SYNPR: variants seen among roughly 807,000 people sequenced by gnomAD.
The protein encoded by SYNPR is synaptoporin.
In SYNPR, 23 loss-of-function variants were observed where a neutral mutation model predicts 32.9. The ratio of observed to expected loss-of-function variants is 0.70; its 90% CI spans 0.50 to 0.99. The LOEUF (loss-of-function observed/expected upper bound fraction) is 0.99, where lower values mean the gene tolerates loss of function less well. Among genes scored for constraint, SYNPR ranks in the 50% least tolerant of loss-of-function variants. The pLI, the probability that SYNPR is intolerant of heterozygous loss-of-function variation, is 0.00. For synonymous variants in SYNPR, 146 were observed against 135.9 expected, an observed-to-expected ratio of 1.07 and a Z score of -0.52; for missense variants, 318 against 349.3, an observed-to-expected ratio of 0.91 and a Z score of 0.71.
At chr3:63,206,289 G>A in the SYNPR span, among the ~76,000 whole-genome samples, 1 of 152,130 alleles carries the variant, frequency 6.6e-6, no homozygotes, top group African/African-American at 2.4e-5. Context: ...TTCTCCAGGG[G>A]ACATTTGTGA....
intron 3 of SYNPR, among the ~76,000 whole-genome samples, chr3:63,513,921 T>C (rs1259518706): frequency 6.6e-6 from 1 of 152,170 alleles, no homozygotes; most frequent in African/African-American, 2.4e-5. Flanking sequence ...AAGCCCTTTA[T>C]ATTTAATTCA....
rs1575667104 is a variant in SYNPR at position 63,480,968 on chromosome 3, T to C, written c.209+12T>C. 3 of 1,607,534 alleles carry C rather than the reference T, an allele frequency of 1.9e-6. No individual in the cohort carries two copies. In the East Asian group the frequency reaches 6.7e-5, roughly 36 times the overall value. On this transcript the variant is annotated intron_variant, in intron 3 of 5. Coordinates refer to ENST00000478300, the MANE Select transcript of SYNPR (RefSeq NM_001130003.2). ...GCCTACCCATTCAGGTAGGGAATGG[T>C]GGTTCATGCTTGTTAGCCTCACAGG...
At chr3:63,539,853 C>T (rs528142885) in intron 3 of SYNPR, among the ~76,000 whole-genome samples, 39 of 152,224 alleles carry the variant, frequency 2.6e-4, no homozygotes, top group Non-Finnish European at 4.1e-4. Flanking sequence ...CAAGAATCCC[C>T]GGACAGAGGG....
chr3:63,566,542 T>C (rs775450778), intron 4 of SYNPR, among the ~76,000 whole-genome samples: 6 of 152,060 alleles, frequency 3.9e-5, no homozygotes, highest in Non-Finnish European at 7.4e-5. Context: ...AAAACCTAGG[T>C]CCTAGCCTCA....
chr3:63,588,305 G>T (rs114271294), intron 4 of SYNPR, among the ~76,000 whole-genome samples: 120 of 152,164 alleles, frequency 7.9e-4, no homozygotes, highest in African/African-American at 2.9e-3. Context: ...TGTGAGAGAT[G>T]AAGTTCAAGT....
intron 3 of SYNPR, among the ~76,000 whole-genome samples, chr3:63,269,373 C>A (rs991445131): frequency 1.3e-5 from 2 of 152,020 alleles, no homozygotes; most frequent in Non-Finnish European, 2.9e-5. Flanking sequence ...CCTATAATCC[C>A]AGCTACTTGG....
At chr3:63,323,169 GT>G (rs1016382780) in intron 2 of SYNPR, among the ~76,000 whole-genome samples, 6 of 152,038 alleles carry the variant, frequency 3.9e-5, no homozygotes, top group Admixed American at 3.3e-4. Context: ...AGCTTTTGAT[GT>G]TTGTTTCTTG....
In SYNPR at chr3:63,507,031, C is replaced by G. The variant is rs370926432; in HGVS notation, c.209+26075C>G. Among the ~76,000 whole-genome samples the G allele has an allele frequency of 9.2e-5, 14 of 152,088 alleles. No individual in the cohort carries two copies. In the East Asian group the frequency reaches 2.7e-3, roughly 29 times the overall value. On this transcript the variant is annotated intron_variant, in intron 3 of 5. Transcript: ENST00000478300. Reference sequence around the variant, plus strand: ...GCTACTCAGCCCTATGAAGAACTAGCCTCAGAAATGATGGCCGAGGTGGGA... The same window carrying G: ...GCTACTCAGCCCTATGAAGAACTAGGCTCAGAAATGATGGCCGAGGTGGGA...
At chr3:63,583,108 G>C (rs1157708548) in intron 4 of SYNPR, among the ~76,000 whole-genome samples, 1 of 152,162 alleles carries the variant, frequency 6.6e-6, no homozygotes. Context: ...AGCAGAGAAG[G>C]TCACAAAGTG....
intron 2 of SYNPR, among the ~76,000 whole-genome samples, chr3:63,416,554 C>CAA (rs147590910): frequency 1.1e-4 from 14 of 122,596 alleles, no homozygotes; most frequent in Non-Finnish European, 1.4e-4. Flanking sequence ...AAAAAAAAAC[C>CAA]AAAAAAAAAC....
upstream of SYNPR, among the ~76,000 whole-genome samples, chr3:63,274,069 A>G (rs1338346460): frequency 6.6e-6 from 1 of 152,246 alleles, no homozygotes; most frequent in Non-Finnish European, 1.5e-5. Flanking sequence ...ATTTCAGGTT[A>G]GCAGCATGAG....
chr3:63,602,274 A>G (rs895397613), intron 4 of SYNPR, among the ~76,000 whole-genome samples: 4 of 151,920 alleles, frequency 2.6e-5, no homozygotes, highest in Non-Finnish European at 5.9e-5. Flanking sequence ...GTCTGCAAAT[A>G]TTTTCTCCCA....
At chr3:63,425,358 C>T (rs1268118346) in intron 2 of SYNPR, among the ~76,000 whole-genome samples, 3 of 152,102 alleles carry the variant, frequency 2.0e-5, no homozygotes, top group Non-Finnish European at 2.9e-5. Flanking sequence ...ATAGACATTA[C>T]TTAAAGAGAC....
chr3:63,203,885 G>A, the SYNPR span, among the ~76,000 whole-genome samples: 1 of 152,108 alleles, frequency 6.6e-6, no homozygotes, highest in Admixed American at 6.5e-5. Flanking sequence ...TGTAATCCCA[G>A]CTGCTCCAGA....
At chr3:63,221,893 G>A in the SYNPR span, among the ~76,000 whole-genome samples, 3 of 151,904 alleles carry the variant, frequency 2.0e-5, no homozygotes, top group Non-Finnish European at 4.4e-5. Flanking sequence ...AAAGGGTTTA[G>A]CATAGAACCA....
chr3:63,606,557 G>A (rs1180863653), intron 4 of SYNPR, among the ~76,000 whole-genome samples: 3 of 150,794 alleles, frequency 2.0e-5, no homozygotes, highest in Non-Finnish European at 4.4e-5. Context: ...CAGGCTCACA[G>A]GTTGATAGGA....
intron 2 of SYNPR, among the ~76,000 whole-genome samples, chr3:63,335,331 C>A (rs1233889048): frequency 1.7e-5 from 2 of 118,332 alleles, no homozygotes; most frequent in Admixed American, 1.2e-4. Context: ...CCAGCCTGGG[C>A]AACAGAGCGA....
At chr3:63,365,613 T>C (rs2087720249) in intron 2 of SYNPR, among the ~76,000 whole-genome samples, 1 of 152,228 alleles carries the variant, frequency 6.6e-6, no homozygotes, top group South Asian at 2.1e-4. Context: ...CTTTGAAAGA[T>C]ACTGAAAGAG....
At chr3:63,409,921 G>A (rs962437060) in intron 2 of SYNPR, among the ~76,000 whole-genome samples, 2 of 152,112 alleles carry the variant, frequency 1.3e-5, no homozygotes, top group Non-Finnish European at 2.9e-5. Context: ...TGCACAATTC[G>A]TGTTCTCTTT....
Sources: allele counts gnomAD v4.1 joint callset (sites outside exome capture counted in the v4.1 genomes callset), GRCh38; gene constraint gnomAD v4.1.1; transcripts MANE v1.5; gene names NCBI Gene and HGNC (gene_info 2026-07-23, HGNC 2026-07-21).